Variants in KDM2B observed in about 807,000 individuals in gnomAD.
KDM2B encodes the protein lysine-specific demethylase 2B.
Under a neutral mutation model 150.0 loss-of-function variants are expected in KDM2B, and 26 were observed. That is an observed-to-expected ratio of 0.17 (90% CI 0.13 to 0.24). The LOEUF is 0.24. Ranked by LOEUF, KDM2B falls within the 10% of genes least tolerant of loss-of-function variation. The pLI is 1.00. For missense variants in KDM2B, 1,265 were observed against 1,816.9 expected, an observed-to-expected ratio of 0.70 and a Z score of 5.52; for synonymous variants, 734 against 729.5, an observed-to-expected ratio of 1.01 and a Z score of -0.10.
At chr12:121,443,626 G>T in intron 17 of KDM2B, 54 bp downstream of exon 17, 2 of 1,066,252 alleles carry the variant, frequency 1.9e-6, no homozygotes, top group South Asian at 1.2e-5. Flanking sequence ...GTGGGGGACA[G>T]CCCAGGACTC....
In KDM2B at chr12:121,518,976, G is replaced by A. The variant is rs539397179; in HGVS notation, c.1047+2009C>T. On this transcript the variant is annotated intron_variant, in intron 9 of 22. Coordinates refer to ENST00000377071, the MANE Select transcript of KDM2B (RefSeq NM_032590.5). The surrounding 1 kb of genome is among the most constrained non-coding windows in gnomAD (Gnocchi z 4.4). ...GGGCGGCTCCTCCAGACCAGGGTGG[G>A]GGCTGGCCTTCCCCAGGTGGGATGG... is the stretch of plus-strand genomic sequence containing the variant. Among the ~76,000 whole-genome samples, 1 of 152,322 alleles carries A rather than the reference G, an allele frequency of 6.6e-6. No homozygotes were observed. Among genetic ancestry groups the A allele is most frequent in the East Asian group, 1.9e-4 (1 of 5,180 alleles).
chr12:121,464,328 A>G (rs528105024), intron 12 of KDM2B, among the ~76,000 whole-genome samples: 2 of 152,354 alleles, frequency 1.3e-5, no homozygotes, highest in Non-Finnish European at 2.9e-5. Flanking sequence ...ATTTTCTGAC[A>G]CATTTTGTAC....
chr12:121,485,105 C>T (rs1235882377), intron 12 of KDM2B, among the ~76,000 whole-genome samples: 4 of 152,128 alleles, frequency 2.6e-5, no homozygotes, highest in Admixed American at 1.3e-4. Flanking sequence ...ATGGAACCTG[C>T]CTGCTGACAC....
At chr12:121,535,266 G>C (rs1379471347) in intron 6 of KDM2B, among the ~76,000 whole-genome samples, 1 of 151,492 alleles carries the variant, frequency 6.6e-6, no homozygotes, top group Non-Finnish European at 1.5e-5. Flanking sequence ...GCAATTGATT[G>C]CCAAGTAAGC....
At position 121,578,940 on chromosome 12, in the gene KDM2B, T is replaced by C. The variant is rs782115338; in HGVS notation, c.133A>G (p.Ile45Val). The part of the protein sequence containing the change: ...FEFESATQRP[I>V]DRQRYDENED... ...TTCTCGTCGTATCGCTGGCGGTCAATCGGGCGCTGCGAGGACCCAAACCAG... is the reference window on the plus strand; with the variant it reads ...TTCTCGTCGTATCGCTGGCGGTCAACCGGGCGCTGCGAGGACCCAAACCAG... The change falls in exon 2 of 23, where the codon ATT (isoleucine) becomes GTT (valine). Residue 45 changes from isoleucine (I) to valine (V), a missense_variant. Physicochemically the swap from Ile to Val is conservative, Grantham distance 29 (BLOSUM62 3). Coordinates refer to ENST00000377071, the MANE Select transcript of KDM2B (RefSeq NM_032590.5). The C allele has an allele frequency of 4.3e-6, 7 of 1,611,904 alleles. No homozygotes were observed. The highest frequency in any genetic ancestry group is 5.9e-6 in the Non-Finnish European group (7 of 1,179,408).
chr12:121,476,312 GC>G (rs1555296773), intron 12 of KDM2B, among the ~76,000 whole-genome samples: 2 of 151,528 alleles, frequency 1.3e-5, no homozygotes, highest in Non-Finnish European at 2.9e-5. Context: ...AAAAAAATTA[GC>G]CGAGCATGGT....
At chr12:121,481,927 C>T (rs541881303) in intron 12 of KDM2B, among the ~76,000 whole-genome samples, 1 of 152,044 alleles carries the variant, frequency 6.6e-6, no homozygotes, top group Non-Finnish European at 1.5e-5. Flanking sequence ...TACGGGCACC[C>T]GGCACCACAT....
downstream of KDM2B, among the ~76,000 whole-genome samples, chr12:121,427,116 G>T (rs1872546024): frequency 6.6e-6 from 1 of 152,196 alleles, no homozygotes; most frequent in Non-Finnish European, 1.5e-5. Context: ...TTACTAAGCT[G>T]TGATTTGACA....
At chr12:121,546,797 C>T (rs547262425) in intron 6 of KDM2B, among the ~76,000 whole-genome samples, 1 of 151,696 alleles carries the variant, frequency 6.6e-6, no homozygotes, top group African/African-American at 2.4e-5. Context: ...GCTCCATCTC[C>T]CAGGTTCAAG....
At chr12:121,578,729 G>C in intron 2 of KDM2B, 73 bp downstream of exon 2, 1 of 1,045,458 alleles carries the variant, frequency 9.6e-7, no homozygotes, top group Non-Finnish European at 1.2e-6. Context: ...TACGAACCCA[G>C]CCACCGGCAG....
In KDM2B at chr12:121,442,360, T is replaced by C; in HGVS notation, c.3081A>G (p.Pro1027=). Residue 1027 remains proline, a synonymous_variant, in exon 19 of 23, where the codon CCA becomes CCG. Coordinates refer to ENST00000377071, the MANE Select transcript of KDM2B (RefSeq NM_032590.5). This position sits in a 1 kb window ranked among gnomAD's most constrained non-coding sequence, Gnocchi z 7.7. ...RSPPRVISRP[P]PSVSPPKCIQ... is the part of the protein sequence containing the mutation. ...TACACTTGGGCGGGGACACGGAGGG[T>C]GGGGGCCGGGAGATGACACGGGGCG... 7.3e-6 allele frequency: 7 copies of C among 955,126 alleles called. No homozygotes were observed. The highest frequency in any genetic ancestry group is 9.9e-6 in the Non-Finnish European group (7 of 708,264). 59.2% of individuals were successfully genotyped at this position (955,126 alleles called of 1,614,324 possible). A position where few individuals can be genotyped will look rare whatever the true frequency, so the allele number is the denominator to read the frequency against.
Position 121,442,013 on chromosome 12 carries a change from A to G in KDM2B, c.3284+144T>C. 1.5e-6 allele frequency: 1 copy of G among 683,708 alleles called. No individual in the cohort carries two copies. The highest frequency in any genetic ancestry group is 2.5e-6 in the Non-Finnish European group (1 of 400,268). 42.4% of individuals were successfully genotyped at this position (683,708 alleles called of 1,614,324 possible). Reference sequence around the variant, plus strand: ...CTGACAAGACCAGAGGGGCCGCTGTAGCCAGCTGGAACGCTTTGCGGAGCA... The same window carrying G: ...CTGACAAGACCAGAGGGGCCGCTGTGGCCAGCTGGAACGCTTTGCGGAGCA... On this transcript the variant is annotated intron_variant, in intron 19 of 22. Coordinates refer to ENST00000377071, the MANE Select transcript of KDM2B (RefSeq NM_032590.5). This position sits in a 1 kb window ranked among gnomAD's most constrained non-coding sequence, Gnocchi z 7.7.
Position 121,430,557 on chromosome 12 carries a change from C to A in KDM2B, c.3830-88G>T. 1 of 841,250 alleles carries A rather than the reference C, an allele frequency of 1.2e-6. No homozygotes were observed. The highest frequency in any genetic ancestry group is 2.0e-6 in the Non-Finnish European group (1 of 489,888). The allele number at this position is 841,250 out of a possible 1,614,324, so 52.1% of individuals were successfully genotyped here. On this transcript the variant is annotated intron_variant, in intron 22 of 22. Transcript: ENST00000377071. The surrounding 1 kb of genome is among the most constrained non-coding windows in gnomAD (Gnocchi z 4.4). ...AGACCCAGGCACTCAGCAGTGGGGA[C>A]AGGTCAGAGCTCTACATATTCCAGT...
intron 22 of KDM2B, among the ~76,000 whole-genome samples, chr12:121,431,863 G>A (rs939625434): frequency 1.3e-4 from 19 of 148,240 alleles, no homozygotes; most frequent in Admixed American, 6.9e-4. Flanking sequence ...GGTTTTCATG[G>A]GTTTTTTTCT....
chr12:121,578,146 T>C (rs1357626415), intron 2 of KDM2B, among the ~76,000 whole-genome samples: 1 of 152,164 alleles, frequency 6.6e-6, no homozygotes, highest in Non-Finnish European at 1.5e-5. Context: ...ACCCCAATTC[T>C]TGGCTTCAAC....
intron 6 of KDM2B, among the ~76,000 whole-genome samples, chr12:121,544,947 T>C (rs947648997): frequency 6.6e-6 from 1 of 152,104 alleles, no homozygotes; most frequent in Non-Finnish European, 1.5e-5. Flanking sequence ...TAAAAATTCC[T>C]AAGCCCATCA....
At chr12:121,444,938 T>C (rs1875888106) in intron 14 of KDM2B, 2 of 394,724 alleles carry the variant, frequency 5.1e-6, no homozygotes, top group Non-Finnish European at 9.3e-6. Flanking sequence ...TGTGGGGCCT[T>C]GTTCTCCCAG....
chr12:121,490,745 T>TC (rs1883256892), intron 12 of KDM2B, among the ~76,000 whole-genome samples: 1 of 152,254 alleles, frequency 6.6e-6, no homozygotes, highest in South Asian at 2.1e-4. Context: ...TGGTGATAGA[T>TC]GGTGGCTCAG....
At chr12:121,517,718 G>A (rs1290264437) in intron 9 of KDM2B, among the ~76,000 whole-genome samples, 2 of 151,684 alleles carry the variant, frequency 1.3e-5, no homozygotes, top group Non-Finnish European at 2.9e-5. Flanking sequence ...TCATCCGCCT[G>A]CCTTGGCCTC....
Sources: gnomAD v4.1 joint callset for allele counts (sites outside exome capture counted in the v4.1 genomes callset) on GRCh38, gnomAD v4.1.1 for gene constraint, Gnocchi (gnomAD v3.1) non-coding constraint, MANE v1.5 for transcripts, NCBI Gene and HGNC (gene_info 2026-07-23, HGNC 2026-07-21) for gene names.